KATNB1: variants seen among roughly 807,000 people sequenced by gnomAD.
The protein encoded by KATNB1 is katanin regulatory subunit B1, also known as katanin p80 WD40 repeat-containing subunit B1.
KATNB1 carries 38 observed loss-of-function variants against 82.3 expected under a neutral mutation model. The observed-to-expected ratio is 0.46, with a 90% confidence interval of 0.36 to 0.61. KATNB1 has a LOEUF of 0.61. Ranked by LOEUF, KATNB1 falls within the 20% of genes least tolerant of loss-of-function variation. KATNB1 has a pLI of 0.00. For missense variants in KATNB1, 749 were observed against 915.7 expected (o/e 0.82, Z 2.35); for synonymous variants, 361 against 368.7 (o/e 0.98, Z 0.24).
intron 11 of KATNB1, 55 bp downstream of exon 11, chr16:57,753,322 C>T: frequency 6.3e-7 from 1 of 1,577,988 alleles, no homozygotes. Flanking sequence ...ACAGGGGAAG[C>T]CTCGGAGTTC....
At chr16:57,738,150 C>G (rs1162396952) in intron 2 of KATNB1, among the ~76,000 whole-genome samples, 1 of 152,234 alleles carries the variant, frequency 6.6e-6, no homozygotes, top group Non-Finnish European at 1.5e-5. Flanking sequence ...TTGGTGGGCC[C>G]TGCCCCACCT....
At position 57,736,842 on chromosome 16, in the gene KATNB1, C is replaced by G. The variant is rs185783792; in HGVS notation, c.-266-136C>G. ...GTGCCCCCTCTGCAGATTCCCAAAC[C>G]TAATTTGCAGTGCAGCTTCTGACTC... On this transcript the variant is annotated intron_variant, in intron 1 of 19. Transcript: ENST00000379661. 7.2e-6 allele frequency: 3 copies of G among 418,762 alleles called. No homozygotes were observed. The East Asian group carries it at 1.8e-4, about 25-fold the overall frequency. 25.9% of individuals were successfully genotyped at this position (418,762 alleles called of 1,614,324 possible).
chr16:57,755,007 T>G lies in KATNB1; in HGVS notation c.1296+10T>G, dbSNP rs782809787. The G allele has an allele frequency of 1.1e-5, 18 of 1,613,834 alleles. No homozygotes were observed. The highest frequency in any genetic ancestry group is 1.7e-5 in the Admixed American group (1 of 60,002). On this transcript the variant is annotated intron_variant, in intron 14 of 19. Transcript: ENST00000379661. ...GTTCCCGGTGCCAAATGTATGTCCA[T>G]GGAGGGAGCATGGTGTGGGGCCTAG...
Position 57,742,572 on chromosome 16 carries a change from C to T in KATNB1, c.171+755C>T, listed in dbSNP as rs150534659. On this transcript the variant is annotated intron_variant, in intron 3 of 19. Coordinates refer to ENST00000379661, the MANE Select transcript of KATNB1 (RefSeq NM_005886.3). ...ACACACATAAATAAAAATACACTGC[C>T]ACTCTTGTGCAGCCTGGTTTTTAAA... is the stretch of plus-strand genomic sequence containing the variant. Among the ~76,000 whole-genome samples the T allele has an allele frequency of 4.6e-5, 7 of 152,334 alleles. No homozygotes were observed. The East Asian group carries it at 1.4e-3, about 29-fold the overall frequency.
rs949874552 is a variant in KATNB1 at position 57,757,015 on chromosome 16, T to C, written c.*69T>C. On this transcript the variant is annotated 3_prime_UTR_variant, in exon 20 of 20. Coordinates refer to ENST00000379661, the MANE Select transcript of KATNB1 (RefSeq NM_005886.3). ...CCTCAGCCCCCACTCCTGTTCCTTG[T>C]GCACCCACTGGCCCATGAGCCTCTG... 4.3e-6 allele frequency: 6 copies of C among 1,408,784 alleles called. No individual in the cohort carries two copies. The African/African-American group carries it at 7.3e-5, about 17-fold the overall frequency. 87.3% of individuals were successfully genotyped at this position (1,408,784 alleles called of 1,614,324 possible). A position where few individuals can be genotyped will look rare whatever the true frequency, so the allele number is the denominator to read the frequency against.
chr16:57,748,282 G>T (rs1364279765), intron 4 of KATNB1, among the ~76,000 whole-genome samples: 4 of 152,028 alleles, frequency 2.6e-5, no homozygotes, highest in Non-Finnish European at 4.4e-5. Context: ...CAGAGTGCAG[G>T]TGACAGTGAC....
In KATNB1 at chr16:57,753,283, G is replaced by T; in HGVS notation, c.1046+16G>T. On this transcript the variant is annotated intron_variant, in intron 11 of 19. Coordinates refer to ENST00000379661, the MANE Select transcript of KATNB1 (RefSeq NM_005886.3). The stretch of plus-strand genomic sequence containing the variant: ...AGCCTCAGAGGTGAGGGCCTGGGGG[G>T]CCTTCGGGGGCCCAGGAGAGGGACT... 1 of 1,582,900 alleles carries T rather than the reference G, an allele frequency of 6.3e-7. No homozygotes were observed.
intron 4 of KATNB1, among the ~76,000 whole-genome samples, chr16:57,748,408 T>C (rs2049198482): frequency 6.6e-6 from 1 of 151,344 alleles, no homozygotes; most frequent in Non-Finnish European, 1.5e-5. Context: ...GGAAGATCAC[T>C]TGAGGCCATG....
chr16:57,737,733 C>T (rs1439750245), intron 2 of KATNB1, among the ~76,000 whole-genome samples: 2 of 152,186 alleles, frequency 1.3e-5, no homozygotes, highest in South Asian at 4.2e-4. Context: ...GAGGGGCGGG[C>T]AGAGGGATGC....
intron 8 of KATNB1, 161 bp from the exon 9 acceptor site, chr16:57,752,369 G>A (rs1190113690): frequency 3.1e-5 from 22 of 710,868 alleles, no homozygotes; most frequent in African/African-American, 2.1e-4. Flanking sequence ...CCATCGGGCC[G>A]AGCCTCCCCC....
intron 2 of KATNB1, 30 bp downstream of exon 2, chr16:57,737,313 C>A: frequency 6.2e-7 from 1 of 1,613,544 alleles, no homozygotes. Flanking sequence ...CTTTATCACC[C>A]CATTTATTCT....
intron 2 of KATNB1, among the ~76,000 whole-genome samples, chr16:57,740,362 T>A (rs2049132980): frequency 6.6e-6 from 1 of 152,168 alleles, no homozygotes; most frequent in South Asian, 2.1e-4. Flanking sequence ...GGTGGCCCCT[T>A]GGAGCCCAGG....
At chr16:57,744,871 C>T (rs1460628208) in intron 4 of KATNB1, among the ~76,000 whole-genome samples, 5 of 152,042 alleles carry the variant, frequency 3.3e-5, no homozygotes, top group African/African-American at 1.2e-4. Context: ...GAGGTGGCTG[C>T]GTGGGACAGC....
chr16:57,739,336 A>G (rs2049126054), intron 2 of KATNB1, among the ~76,000 whole-genome samples: 1 of 152,140 alleles, frequency 6.6e-6, no homozygotes, highest in South Asian at 2.1e-4. Flanking sequence ...GGTGAGGATC[A>G]GAGGTGCGTG....
At chr16:57,741,920 GC>G in intron 3 of KATNB1, 103 bp downstream of exon 3, 1 of 1,364,342 alleles carries the variant, frequency 7.3e-7, no homozygotes, top group Non-Finnish European at 1.0e-6. Context: ...ACTCTCTTGA[GC>G]CCAGGGCCCC....
Position 57,751,819 on chromosome 16 carries a change from A to G in KATNB1, c.516+95A>G, listed in dbSNP as rs1026640312. 1.4e-6 allele frequency: 2 copies of G among 1,416,698 alleles called. No homozygotes were observed. The highest frequency in any genetic ancestry group is 2.0e-6 in the Non-Finnish European group (2 of 1,011,922). 87.8% of individuals were successfully genotyped at this position (1,416,698 alleles called of 1,614,324 possible). ...TCACCTCCCTCCTGATCGGGCTCAC[A>G]TGTCCCAAGCCTATCCCGAGTGGAA... On this transcript the variant is annotated intron_variant, in intron 7 of 19. Coordinates refer to ENST00000379661, the MANE Select transcript of KATNB1 (RefSeq NM_005886.3). This position sits in a 1 kb window ranked among gnomAD's most constrained non-coding sequence, Gnocchi z 6.3.
rs377555379 is a variant in KATNB1, at chr16:57,756,763, T to C, written c.1836-51T>C. 1.7e-5 allele frequency: 26 copies of C among 1,495,218 alleles called. 1 individual carries two copies. The highest frequency in any genetic ancestry group is 1.7e-4 in the African/African-American group (12 of 71,514). 92.6% of individuals were successfully genotyped at this position (1,495,218 alleles called of 1,614,324 possible). The stretch of plus-strand genomic sequence containing the variant: ...GGACAGCAAAGGCCCTGGGGTTGGG[T>C]GTGGGTGGTGGTGGTGCCAGCTAGC... On this transcript the variant is annotated intron_variant, in intron 19 of 19. Coordinates refer to ENST00000379661, the MANE Select transcript of KATNB1 (RefSeq NM_005886.3).
chr16:57,755,703 C>G (rs1194053765), intron 16 of KATNB1, 138 bp from the exon 17 acceptor site: 6 of 983,814 alleles, frequency 6.1e-6, no homozygotes, highest in Admixed American at 2.7e-5. Context: ...TGGCCTTACA[C>G]TCATTGCGTT....
intron 4 of KATNB1, among the ~76,000 whole-genome samples, chr16:57,745,164 C>T (rs1333248379): frequency 4.6e-5 from 7 of 152,326 alleles, no homozygotes; most frequent in East Asian, 3.9e-4. Context: ...CTTTGCTGAT[C>T]GCCTCCACCT....
Sources: gnomAD v4.1 joint callset for allele counts (sites outside exome capture counted in the v4.1 genomes callset) on GRCh38, gnomAD v4.1.1 for gene constraint, Gnocchi (gnomAD v3.1) non-coding constraint, MANE v1.5 for transcripts, NCBI Gene and HGNC (gene_info 2026-07-23, HGNC 2026-07-21) for gene names.